ARL16: variants seen among roughly 807,000 people sequenced by gnomAD.
ARL16 encodes ADP-ribosylation factor-like protein 16.
In ARL16, 21 loss-of-function variants were observed where a neutral mutation model predicts 14.1. The ratio of observed to expected loss-of-function variants is 1.48; its 90% confidence interval spans 1.05 to 2.14. The LOEUF is 2.14. Ranked by LOEUF, ARL16 falls within the 30% of genes most tolerant of loss-of-function variation. The pLI, the probability that ARL16 is intolerant of heterozygous loss-of-function variation, is 0.00. For synonymous variants in ARL16, 122 were observed against 91.8 expected, an observed-to-expected ratio of 1.33 and a Z score of -1.88; for missense variants, 248 against 222.0, an observed-to-expected ratio of 1.12 and a Z score of -0.74.
chr17:81,683,012 C>T lies in ARL16; in HGVS notation c.234+1G>A, dbSNP rs1482474962. 5 of 1,612,822 alleles carry T rather than the reference C, an allele frequency of 3.1e-6. No homozygotes were observed. Among genetic ancestry groups the T allele is most frequent in the Non-Finnish European group, 4.2e-6 (5 of 1,179,214 alleles). On this transcript the variant is annotated splice_donor_variant, in intron 3 of 4. Transcript: ENST00000622299. LOFTEE classifies it high-confidence loss of function. ...GAAGCCCATATAGGATTACAACCCA[C>T]CAGGAGAGAACGGCAGTTTCCATAG... is the stretch of plus-strand genomic sequence containing the variant.
chr17:81,681,523 G>T lies in ARL16; in HGVS notation c.*185C>A. 1 of 743,272 alleles carries T rather than the reference G, an allele frequency of 1.3e-6. No homozygotes were observed. Among genetic ancestry groups the T allele is most frequent in the Non-Finnish European group, 2.1e-6 (1 of 483,692 alleles). 46.0% of individuals were successfully genotyped at this position (743,272 alleles called of 1,614,324 possible). A position where few individuals can be genotyped will look rare whatever the true frequency, so the allele number is the denominator to read the frequency against. ...GCCCCTGGGGACACTTTTTTCAGAG[G>T]CCAGATGTCAACTTCCATCTCCACA... On this transcript the variant is annotated 3_prime_UTR_variant, in exon 5 of 5. Coordinates refer to ENST00000622299, the MANE Select transcript of ARL16 (RefSeq NM_001040025.3).
chr17:81,683,438 A>G, intron 2 of ARL16, 98 bp downstream of exon 2: 1 of 1,389,698 alleles, frequency 7.2e-7, no homozygotes, highest in Non-Finnish European at 9.5e-7. Context: ...TCACGACCTG[A>G]CCCGCTGCGC....
intron 3 of ARL16, 141 bp from the exon 4 acceptor site, chr17:81,682,290 G>A: frequency 1.6e-6 from 1 of 606,434 alleles, no homozygotes. Context: ...CGCTCCGAGT[G>A]CAGTGGCACG....
intron 3 of ARL16, 157 bp downstream of exon 3, chr17:81,682,856 C>G (rs1462470399): frequency 4.5e-6 from 3 of 673,342 alleles, no homozygotes; most frequent in African/African-American, 3.7e-5. Context: ...GACAGGGTGC[C>G]CAGCAGGAAG....
chr17:81,681,909 A>G (rs1397471009), intron 4 of ARL16, 30 bp from the exon 5 acceptor site: 21 of 1,599,926 alleles, frequency 1.3e-5, no homozygotes, highest in Non-Finnish European at 1.8e-5. Context: ...CCATCAGAGC[A>G]GTGGCAGCCA....
chr17:81,682,947 G>A (rs527823587), intron 3 of ARL16, 66 bp downstream of exon 3: 10 of 1,397,992 alleles, frequency 7.2e-6, no homozygotes, highest in Admixed American at 1.7e-5. Flanking sequence ...GCAAGGTTGG[G>A]GACTGGACGT....
intron 2 of ARL16, 87 bp downstream of exon 2, chr17:81,683,449 C>T (rs2036898071): frequency 1.4e-6 from 2 of 1,416,758 alleles, no homozygotes; most frequent in East Asian, 2.5e-5. Context: ...CCCGCTGCGC[C>T]TCGGCGTGCA....
intron 3 of ARL16, 188 bp from the exon 4 acceptor site, chr17:81,682,337 G>A: frequency 2.2e-6 from 1 of 455,676 alleles, no homozygotes; most frequent in East Asian, 4.1e-5. Flanking sequence ...CAGGGTTCAG[G>A]GTTCAAGTGA....
chr17:81,682,389 C>T (rs540329971), intron 3 of ARL16: 244 of 332,306 alleles, frequency 7.3e-4, no homozygotes, highest in Non-Finnish European at 1.2e-3. Context: ...ACTACAGACA[C>T]CCGCCACCAC....
In ARL16 at chr17:81,682,147, A is replaced by C. The variant is rs1181758658; in HGVS notation, c.237T>G (p.Phe79Leu). ...GGGTGGGGTCAGAGGCGTCCATCAC[A>C]AACTGGGGAAAAAGAAAAAGACAGC... ...SYYGNCRSLL[F>L]VMDASDPTQL... Residue 79 changes from phenylalanine (F) to leucine (L), a missense_variant and splice_region_variant, in exon 4 of 5, where the codon TTT becomes TTG. Transcript: ENST00000622299. 2 of 1,594,762 alleles carry C rather than the reference A, an allele frequency of 1.3e-6. No individual in the cohort carries two copies. Among genetic ancestry groups the C allele is most frequent in the East Asian group, 2.3e-5 (1 of 44,372 alleles).
At chr17:81,683,342 TGCCCGTGGAGGGCGGCAG>T (rs2144470522) in intron 2 of ARL16, 176 bp downstream of exon 2, 1 of 871,824 alleles carries the variant, frequency 1.1e-6, no homozygotes, top group South Asian at 1.8e-5. Context: ...GGAGAGGAAG[TGCCCGTGGAGGGCGGCAG>T]GCCCCCTCAT....
chr17:81,681,885 GAGAA>G lies in ARL16; in HGVS notation c.351-10_351-7del. 1 of 1,610,926 alleles carries G rather than the reference GAGAA, an allele frequency of 6.2e-7. No individual in the cohort carries two copies. Among genetic ancestry groups the G allele is most frequent in the Non-Finnish European group, 8.5e-7 (1 of 1,178,836 alleles). On this transcript the variant is annotated splice_region_variant and splice_polypyrimidine_tract_variant and intron_variant, in intron 4 of 4. Transcript: ENST00000622299. ...ACATGTAACAGGGTAGGTCGCTGGA[GAGAA>G]AGAGGTGCCCCATCAGAGCAGTGGC...
chr17:81,683,361 G>A, intron 2 of ARL16, 175 bp downstream of exon 2: 1 of 957,662 alleles, frequency 1.0e-6, no homozygotes, highest in Non-Finnish European at 1.5e-6. Context: ...AGGGCGGCAG[G>A]CCCCCTCATC....
At chr17:81,681,987 G>T (rs1475151173) in intron 4 of ARL16, 47 bp downstream of exon 4, 1 of 1,572,192 alleles carries the variant, frequency 6.4e-7, no homozygotes, top group Non-Finnish European at 8.7e-7. Context: ...GTAACCCGAG[G>T]GAGCCCCCGC....
At position 81,683,605 on chromosome 17, in the gene ARL16, G is replaced by A. The variant is rs1159613897; in HGVS notation, c.62-11C>T. On this transcript the variant is annotated splice_polypyrimidine_tract_variant and intron_variant, in intron 1 of 4. Coordinates refer to ENST00000622299, the MANE Select transcript of ARL16 (RefSeq NM_001040025.3). ...CCCGGGAGCTCACCTGTGCGAAGCG[G>A]TCAAGGACCCGAGCAGCTAAAGGGT... 2.5e-6 allele frequency: 4 copies of A among 1,600,048 alleles called. No homozygotes were observed. In the Admixed American group the frequency reaches 6.8e-5, roughly 27 times the overall value.
chr17:81,682,566 G>A (rs1274054202), intron 3 of ARL16: 2 of 187,466 alleles, frequency 1.1e-5, no homozygotes, highest in African/African-American at 2.4e-5. Flanking sequence ...ACAAAGCTTT[G>A]GGAACAAGCA....
chr17:81,682,271 A>T (rs1288887385), intron 3 of ARL16, 122 bp from the exon 4 acceptor site: 1 of 737,122 alleles, frequency 1.4e-6, no homozygotes, highest in Non-Finnish European at 2.1e-6. Flanking sequence ...ATTTTTTGAG[A>T]CGAAGTCTCG....
Position 81,683,768 on chromosome 17 carries a change from C to T in ARL16, c.-15G>A, listed in dbSNP as rs745977428. 1 of 1,606,950 alleles carries T rather than the reference C, an allele frequency of 6.2e-7. No homozygotes were observed. Among genetic ancestry groups the T allele is most frequent in the Non-Finnish European group, 8.5e-7 (1 of 1,179,366 alleles). On this transcript the variant is annotated 5_prime_UTR_variant, in exon 1 of 5. Transcript: ENST00000622299. The stretch of plus-strand genomic sequence containing the variant: ...AGGAGACACATTCCGTGCTTCGCTC[C>T]ACCCGGCACCCGTAGCTCGGCGCCG...
At position 81,682,995 on chromosome 17, in the gene ARL16, T is replaced by C. The variant is rs773582873; in HGVS notation, c.234+18A>G. The C allele has an allele frequency of 2.5e-6, 4 of 1,603,554 alleles. No homozygotes were observed. The highest frequency in any genetic ancestry group is 2.2e-5 in the East Asian group (1 of 44,810). ...GACACACTTCCCTAAAGGAAGCCCA[T>C]ATAGGATTACAACCCACCAGGAGAG... On this transcript the variant is annotated intron_variant, in intron 3 of 4. Transcript: ENST00000622299.
Sources: gnomAD v4.1 joint callset for allele counts on GRCh38, gnomAD v4.1.1 for gene constraint, MANE v1.5 for transcripts, NCBI Gene and HGNC (gene_info 2026-07-23, HGNC 2026-07-21) for gene names.